Variants in OSBPL3 observed in about 807,000 individuals in gnomAD.
The protein encoded by OSBPL3 is oxysterol-binding protein-related protein 3.
A neutral mutation model predicts 120.1 loss-of-function variants in OSBPL3; 65 were observed. The ratio of observed to expected loss-of-function variants is 0.54; its 90% CI spans 0.44 to 0.67. The LOEUF is 0.67. Ranked by LOEUF, OSBPL3 falls within the 30% of genes least tolerant of loss-of-function variation. OSBPL3 has a pLI of 0.00. For synonymous variants in OSBPL3, 416 were observed against 402.6 expected, an observed-to-expected ratio of 1.03 and a Z score of -0.40; for missense variants, 1,004 against 1,082.1, an observed-to-expected ratio of 0.93 and a Z score of 1.01.
At chr7:24,924,154 C>T (rs1810747508) in intron 1 of OSBPL3, among the ~76,000 whole-genome samples, 1 of 152,146 alleles carries the variant, frequency 6.6e-6, no homozygotes. Context: ...AATACGTTTA[C>T]TTCATGTGGT....
chr7:24,864,439 C>T (rs919755140), intron 7 of OSBPL3, among the ~76,000 whole-genome samples: 12 of 152,128 alleles, frequency 7.9e-5, no homozygotes, highest in East Asian at 1.9e-4. Flanking sequence ...CCCGGGTGGA[C>T]GCTGCTGCTC....
chr7:24,951,728 C>T (rs1330198954), intron 1 of OSBPL3, among the ~76,000 whole-genome samples: 1 of 152,104 alleles, frequency 6.6e-6, no homozygotes, highest in East Asian at 1.9e-4. Flanking sequence ...GACAAACACA[C>T]CACGGGGGAG....
rs532845325 is a variant in OSBPL3 at position 24,937,896 on chromosome 7, C to G, written c.-150+41990G>C. On this transcript the variant is annotated intron_variant, in intron 1 of 22. Coordinates refer to ENST00000313367, the MANE Select transcript of OSBPL3 (RefSeq NM_015550.4). The surrounding 1 kb of genome is among the most constrained non-coding windows in gnomAD (Gnocchi z 4.0). ...TGGTTTTATATTATGCTTCCAGAATCGAAAGGTATTTCCAAAGTATAATCC... is the reference window on the plus strand; with the variant it reads ...TGGTTTTATATTATGCTTCCAGAATGGAAAGGTATTTCCAAAGTATAATCC... 6.6e-6 allele frequency among the ~76,000 whole-genome samples: 1 copy of G among 152,136 alleles called. No individual in the cohort carries two copies. The highest frequency in any genetic ancestry group is 2.4e-5 in the African/African-American group (1 of 41,412).
At position 24,913,084 on chromosome 7, in the gene OSBPL3, A is replaced by C. The variant is rs1453002799; in HGVS notation, c.-149-20463T>G. Among the ~76,000 whole-genome samples the C allele has an allele frequency of 2.0e-5, 3 of 152,202 alleles. No individual in the cohort carries two copies. The highest frequency in any genetic ancestry group is 4.4e-5 in the Non-Finnish European group (3 of 68,038). ...AGACATGTGACTGAGCAAGGATTCA[A>C]ATGTCCCAGCCTCCAGCCTTCCTGC... is the stretch of plus-strand genomic sequence containing the variant. On this transcript the variant is annotated intron_variant, in intron 1 of 22. Transcript: ENST00000313367. This position sits in a 1 kb window ranked among gnomAD's most constrained non-coding sequence, Gnocchi z 5.3.
chr7:24,852,131 T>C lies in OSBPL3; in HGVS notation c.1158+373A>G, dbSNP rs1465902137. 6.6e-6 allele frequency among the ~76,000 whole-genome samples: 1 copy of C among 152,226 alleles called. No individual in the cohort carries two copies. The highest frequency in any genetic ancestry group is 2.4e-5 in the African/African-American group (1 of 41,452). On this transcript the variant is annotated intron_variant, in intron 11 of 22. Transcript: ENST00000313367. This position sits in a 1 kb window ranked among gnomAD's most constrained non-coding sequence, Gnocchi z 4.1. ...TGTCATTTGGAAAGTAAGGCTAAGC[T>C]TGTGGTGTCTCATGCCCATAAAATT...
chr7:24,838,457 C>T (rs1389342905), intron 14 of OSBPL3, among the ~76,000 whole-genome samples: 1 of 152,232 alleles, frequency 6.6e-6, no homozygotes, highest in Non-Finnish European at 1.5e-5. Flanking sequence ...GATCGCACCA[C>T]TGCACTCCAG....
At position 24,857,803 on chromosome 7, in the gene OSBPL3, G is replaced by GT. The variant is rs1031557810; in HGVS notation, c.1027+3809dup. Among the ~76,000 whole-genome samples, 8 of 152,260 alleles carry GT rather than the reference G, an allele frequency of 5.3e-5. No homozygotes were observed. In the East Asian group the frequency reaches 1.2e-3, roughly 22 times the overall value. On this transcript the variant is annotated intron_variant, in intron 10 of 22. Coordinates refer to ENST00000313367, the MANE Select transcript of OSBPL3 (RefSeq NM_015550.4). ...AACAAAGCCAACAGATTTTTGTGTT[G>GT]TTTTTTGCTGCAGGACTTCTCAGGG...
chr7:24,955,014 A>C lies in OSBPL3; in HGVS notation c.-150+24872T>G, dbSNP rs1814873327. On this transcript the variant is annotated intron_variant, in intron 1 of 22. Transcript: ENST00000313367. This position sits in a 1 kb window ranked among gnomAD's most constrained non-coding sequence, Gnocchi z 4.3. ...CATAATCACAGCCTCAAAGATCCATAATGTGCCTTGGTTACCTCTTGATTC... is the reference window on the plus strand; with the variant it reads ...CATAATCACAGCCTCAAAGATCCATCATGTGCCTTGGTTACCTCTTGATTC... Among the ~76,000 whole-genome samples the C allele has an allele frequency of 6.6e-6, 1 of 152,138 alleles. No homozygotes were observed. Among genetic ancestry groups the C allele is most frequent in the Non-Finnish European group, 1.5e-5 (1 of 68,018 alleles).
rs189181165 is a variant in OSBPL3 at position 24,870,446 on chromosome 7, G to A, written c.381+286C>T. 3.0e-3 allele frequency among the ~76,000 whole-genome samples: 455 copies of A among 152,308 alleles called. 2 individuals are homozygous for A. Among genetic ancestry groups the A allele is most frequent in the African/African-American group, 9.8e-3 (406 of 41,562 alleles). The stretch of plus-strand genomic sequence containing the variant: ...CACTAAAGATGTTACTGCCTGGGTG[G>A]AGATGGTTTGGAAACAAAATTTTTC... On this transcript the variant is annotated intron_variant, in intron 5 of 22. Coordinates refer to ENST00000313367, the MANE Select transcript of OSBPL3 (RefSeq NM_015550.4).
At position 24,855,983 on chromosome 7, in the gene OSBPL3, T is replaced by C. The variant is rs1799797060; in HGVS notation, c.1028-3349A>G. Among the ~76,000 whole-genome samples the C allele has an allele frequency of 6.6e-6, 1 of 152,230 alleles. No homozygotes were observed. The highest frequency in any genetic ancestry group is 1.5e-5 in the Non-Finnish European group (1 of 68,028). On this transcript the variant is annotated intron_variant, in intron 10 of 22. Coordinates refer to ENST00000313367, the MANE Select transcript of OSBPL3 (RefSeq NM_015550.4). The surrounding 1 kb of genome is among the most constrained non-coding windows in gnomAD (Gnocchi z 4.3). ...GGCCCACGCTTGTCAGAGCACTTGC[T>C]ATCTCCTAAAATGGTACATTCTGCT...
Position 24,819,376 on chromosome 7 carries a change from G to C in OSBPL3, c.1948+799C>G, listed in dbSNP as rs986246790. On this transcript the variant is annotated intron_variant, in intron 17 of 22. Coordinates refer to ENST00000313367, the MANE Select transcript of OSBPL3 (RefSeq NM_015550.4). The surrounding 1 kb of genome is among the most constrained non-coding windows in gnomAD (Gnocchi z 4.1). Reference sequence around the variant, plus strand: ...ATATTTCCAGAGGGTTTTGGTGAGAGAGCAGTTTTAATTTTAAACTTTAAT... The same window carrying C: ...ATATTTCCAGAGGGTTTTGGTGAGACAGCAGTTTTAATTTTAAACTTTAAT... 2.0e-5 allele frequency among the ~76,000 whole-genome samples: 3 copies of C among 152,126 alleles called. No individual in the cohort carries two copies. The highest frequency in any genetic ancestry group is 2.1e-4 in the South Asian group (1 of 4,828).
chr7:24,952,848 T>C lies in OSBPL3; in HGVS notation c.-150+27038A>G, dbSNP rs908940978. ...ACCCCGCTTCCCCTCCCCAATCTCA[T>C]TTAAAATAACTCTGGGATGGCCAAT... is the stretch of plus-strand genomic sequence containing the variant. On this transcript the variant is annotated intron_variant, in intron 1 of 22. Transcript: ENST00000313367. This position sits in a 1 kb window ranked among gnomAD's most constrained non-coding sequence, Gnocchi z 4.4. Among the ~76,000 whole-genome samples the C allele has an allele frequency of 2.0e-5, 3 of 152,134 alleles. No homozygotes were observed. Among genetic ancestry groups the C allele is most frequent in the African/African-American group, 7.2e-5 (3 of 41,438 alleles).
At chr7:24,886,321 G>A (rs1450849287) in intron 2 of OSBPL3, among the ~76,000 whole-genome samples, 7 of 152,188 alleles carry the variant, frequency 4.6e-5, no homozygotes, top group African/African-American at 1.2e-4. Flanking sequence ...CTAGAGCTGC[G>A]TCTTTACTTT....
chr7:24,975,686 G>A (rs1584776390), intron 1 of OSBPL3, among the ~76,000 whole-genome samples: 1 of 152,140 alleles, frequency 6.6e-6, no homozygotes, highest in African/African-American at 2.4e-5. Context: ...GGAGGCAACA[G>A]GGTGAGAGGA....
At chr7:24,868,355 G>C (rs868332415) in intron 5 of OSBPL3, among the ~76,000 whole-genome samples, 45 of 149,996 alleles carry the variant, frequency 3.0e-4, no homozygotes, top group South Asian at 6.7e-4. Flanking sequence ...GTGTGTGTGT[G>C]TGTGTGTGTG....
chr7:24,937,540 C>T lies in OSBPL3; in HGVS notation c.-150+42346G>A, dbSNP rs1463983049. ...CCATTATAGTTATTTATCCATCTTA[C>T]TCATGGACATTTAGGTTGCTTCCAA... On this transcript the variant is annotated intron_variant, in intron 1 of 22. Coordinates refer to ENST00000313367, the MANE Select transcript of OSBPL3 (RefSeq NM_015550.4). This position sits in a 1 kb window ranked among gnomAD's most constrained non-coding sequence, Gnocchi z 4.0. Among the ~76,000 whole-genome samples, 1 of 152,150 alleles carries T rather than the reference C, an allele frequency of 6.6e-6. No individual in the cohort carries two copies. Among genetic ancestry groups the T allele is most frequent in the Non-Finnish European group, 1.5e-5 (1 of 68,042 alleles).
At chr7:24,949,432 T>C (rs1370883947) in intron 1 of OSBPL3, among the ~76,000 whole-genome samples, 1 of 152,236 alleles carries the variant, frequency 6.6e-6, no homozygotes, top group Non-Finnish European at 1.5e-5. Flanking sequence ...CATAAATTAA[T>C]GGGGGATCTT....
chr7:24,881,274 A>C lies in OSBPL3; in HGVS notation c.97-9205T>G, dbSNP rs954801884. ...AAGTGAATTATTTTCACAGTGCTACACAATAACTGGTTCTCATAATGAGAA... is the reference window on the plus strand; with the variant it reads ...AAGTGAATTATTTTCACAGTGCTACCCAATAACTGGTTCTCATAATGAGAA... On this transcript the variant is annotated intron_variant, in intron 2 of 22. Transcript: ENST00000313367. This position sits in a 1 kb window ranked among gnomAD's most constrained non-coding sequence, Gnocchi z 4.3. 3.9e-5 allele frequency among the ~76,000 whole-genome samples: 6 copies of C among 152,246 alleles called. No individual in the cohort carries two copies. The highest frequency in any genetic ancestry group is 1.4e-4 in the African/African-American group (6 of 41,466).
At chr7:24,864,005 C>G (rs1401183820) in intron 7 of OSBPL3, among the ~76,000 whole-genome samples, 1 of 152,214 alleles carries the variant, frequency 6.6e-6, no homozygotes, top group Non-Finnish European at 1.5e-5. Flanking sequence ...TCATCATCAT[C>G]ATCATCACCA....
Sources: gnomAD v4.1 joint callset for allele counts (sites outside exome capture counted in the v4.1 genomes callset) on GRCh38, gnomAD v4.1.1 for gene constraint, Gnocchi (gnomAD v3.1) non-coding constraint, MANE v1.5 for transcripts, NCBI Gene and HGNC (gene_info 2026-07-23, HGNC 2026-07-21) for gene names.